STK32B: variants seen among roughly 807,000 people sequenced by gnomAD.
The protein encoded by STK32B is serine/threonine-protein kinase 32B.
STK32B carries 43 observed loss-of-function variants against 52.6 expected under a neutral mutation model. The ratio of observed to expected loss-of-function variants is 0.82; its 90% CI spans 0.64 to 1.05. STK32B has a LOEUF of 1.05. Ranked by LOEUF, STK32B falls within the 50% of genes least tolerant of loss-of-function variation. The pLI is 0.00. For missense variants in STK32B, 621 were observed against 534.6 expected (o/e 1.16, Z -1.59); for synonymous variants, 238 against 204.3 (o/e 1.17, Z -1.41).
chr4:5,092,624 C>T (rs955475411), intron 1 of STK32B, among the ~76,000 whole-genome samples: 5 of 152,010 alleles, frequency 3.3e-5, no homozygotes, highest in African/African-American at 7.2e-5. Flanking sequence ...GCAGGCTCCA[C>T]GGGAAACATA....
chr4:5,082,045 C>T (rs576981526), intron 1 of STK32B, among the ~76,000 whole-genome samples: 289 of 152,238 alleles, frequency 1.9e-3, no homozygotes, highest in Non-Finnish European at 3.4e-3. Context: ...CAGATAAACA[C>T]CTGTACTAGT....
chr4:5,181,316 A>G (rs1720332470), intron 3 of STK32B, among the ~76,000 whole-genome samples: 1 of 143,464 alleles, frequency 7.0e-6, no homozygotes, highest in African/African-American at 2.6e-5. Context: ...AAGAAGAGAA[A>G]GATGGAGAGT....
chr4:5,193,586 G>A (rs753060058), intron 3 of STK32B, among the ~76,000 whole-genome samples: 14 of 152,340 alleles, frequency 9.2e-5, no homozygotes, highest in Middle Eastern at 3.4e-3. Flanking sequence ...CTTCTCCTCC[G>A]GCTGTGCTGC....
intron 3 of STK32B, among the ~76,000 whole-genome samples, chr4:5,258,758 TC>T (rs949081939): frequency 3.7e-4 from 57 of 152,180 alleles, no homozygotes; most frequent in African/African-American, 1.4e-3. Context: ...ACCCCAATTG[TC>T]CCTTTGCCCC....
At chr4:5,266,219 CTTTG>C (rs1217006252) in intron 3 of STK32B, among the ~76,000 whole-genome samples, 3 of 152,192 alleles carry the variant, frequency 2.0e-5, no homozygotes, top group Non-Finnish European at 2.9e-5. Context: ...GACACATTTT[CTTTG>C]TTTGGATTTT....
chr4:5,202,906 C>G (rs1296132877), intron 3 of STK32B, among the ~76,000 whole-genome samples: 1 of 152,168 alleles, frequency 6.6e-6, no homozygotes, highest in Admixed American at 6.5e-5. Flanking sequence ...ACAGAAATAG[C>G]TTATTTATTA....
At chr4:5,463,847 A>G (rs3821922) in intron 9 of STK32B, among the ~76,000 whole-genome samples, 17,359 of 152,242 alleles carry the variant, frequency 0.11, 1,264 homozygotes, top group East Asian at 0.39. Context: ...TCAAGACAGC[A>G]TAAAGCAAGG....
At chr4:5,379,772 C>G (rs1012015461) in intron 4 of STK32B, among the ~76,000 whole-genome samples, 15 of 152,124 alleles carry the variant, frequency 9.9e-5, no homozygotes, top group African/African-American at 3.6e-4. Flanking sequence ...AGGAACCAAC[C>G]CTGCCAACAC....
chr4:5,050,695 T>C (rs1460769804), upstream of STK32B, among the ~76,000 whole-genome samples: 1 of 152,202 alleles, frequency 6.6e-6, no homozygotes, highest in African/African-American at 2.4e-5. Flanking sequence ...GGGACCTGCC[T>C]GTCCCTCAGG....
chr4:5,243,294 G>A (rs577409447), intron 3 of STK32B, among the ~76,000 whole-genome samples: 116 of 152,172 alleles, frequency 7.6e-4, no homozygotes, highest in African/African-American at 2.7e-3. Context: ...GGTCCTTCAT[G>A]TCCCTTGTAA....
chr4:5,435,080 C>T (rs942928861), intron 6 of STK32B, among the ~76,000 whole-genome samples: 1 of 152,154 alleles, frequency 6.6e-6, no homozygotes, highest in African/African-American at 2.4e-5. Context: ...GTGGAGGCAT[C>T]TGTTCCCCAC....
intron 4 of STK32B, among the ~76,000 whole-genome samples, chr4:5,389,362 T>TA (rs1415898101): frequency 6.6e-6 from 1 of 152,226 alleles, no homozygotes; most frequent in Non-Finnish European, 1.5e-5. Context: ...TTAATCATCT[T>TA]ACGGTTCTGA....
chr4:5,128,507 TCA>T (rs1316463643), intron 1 of STK32B, among the ~76,000 whole-genome samples: 3 of 152,202 alleles, frequency 2.0e-5, no homozygotes, highest in Non-Finnish European at 4.4e-5. Context: ...GCTTATAGAT[TCA>T]GTGTTTTTGC....
intron 3 of STK32B, among the ~76,000 whole-genome samples, chr4:5,191,791 C>T (rs924597422): frequency 7.2e-5 from 11 of 152,246 alleles, no homozygotes; most frequent in Admixed American, 1.3e-4. Flanking sequence ...AAAAGAATTA[C>T]GGGCTTAACA....
chr4:5,207,835 T>A (rs1252362214), intron 3 of STK32B, among the ~76,000 whole-genome samples: 1 of 151,410 alleles, frequency 6.6e-6, no homozygotes, highest in Non-Finnish European at 1.5e-5. Context: ...ATGACCTGTG[T>A]CATATGTTTG....
At chr4:5,195,133 G>A (rs1721536620) in intron 3 of STK32B, among the ~76,000 whole-genome samples, 1 of 152,050 alleles carries the variant, frequency 6.6e-6, no homozygotes, top group Admixed American at 6.6e-5. Context: ...GAGTGCATTG[G>A]CGCAATCGTA....
chr4:5,248,685 A>G (rs1725646675), intron 3 of STK32B, among the ~76,000 whole-genome samples: 3 of 152,214 alleles, frequency 2.0e-5, no homozygotes, highest in Non-Finnish European at 2.9e-5. Context: ...CCAAATGTCC[A>G]TCAGTGATGG....
intron 3 of STK32B, among the ~76,000 whole-genome samples, chr4:5,184,112 C>T (rs1720558774): frequency 6.6e-6 from 1 of 152,182 alleles, no homozygotes; most frequent in Non-Finnish European, 1.5e-5. Context: ...GGCAAAAGAA[C>T]CCCAGCTTTT....
chr4:5,104,216 A>G (rs547095167), intron 1 of STK32B, among the ~76,000 whole-genome samples: 4 of 152,272 alleles, frequency 2.6e-5, no homozygotes, highest in African/African-American at 9.6e-5. Context: ...TACTGTTCTC[A>G]TGATAGTGAG....
Sources: gnomAD v4.1 joint callset for allele counts (sites outside exome capture counted in the v4.1 genomes callset) on GRCh38, gnomAD v4.1.1 for gene constraint, MANE v1.5 for transcripts, NCBI Gene and HGNC (gene_info 2026-07-23, HGNC 2026-07-21) for gene names.